MSTO1: variants seen among roughly 807,000 people sequenced by gnomAD.
The protein encoded by MSTO1 is misato mitochondrial distribution and morphology regulator 1.
MSTO1 carries 24 observed loss-of-function variants against 55.7 expected under a neutral mutation model. The observed-to-expected ratio is 0.43, with a 90% CI of 0.31 to 0.61. The LOEUF is 0.61. Among genes scored for constraint, MSTO1 ranks in the 20% least tolerant of loss-of-function variants. The probability of loss-of-function intolerance (pLI) is 0.09; values close to 1 mark genes in which losing one functional copy is unlikely to be tolerated. For synonymous variants in MSTO1, 162 were observed against 252.8 expected (o/e 0.64, Z 3.41); for missense variants, 363 against 625.7 (o/e 0.58, Z 4.48).
At chr1:155,601,017 A>C in the MSTO1 span, among the ~76,000 whole-genome samples, 1 of 123,424 alleles carries the variant, frequency 8.1e-6, no homozygotes, top group Admixed American at 9.5e-5. Context: ...ATGGAGTTTC[A>C]CCATGTTGGT....
the MSTO1 span, among the ~76,000 whole-genome samples, chr1:155,592,095 T>G: frequency 2.1e-4 from 32 of 152,342 alleles, no homozygotes; most frequent in Non-Finnish European, 3.4e-4. Flanking sequence ...GTAGTACTAG[T>G]GTGTGTTATT....
upstream of MSTO1, chr1:155,610,113 T>G (rs914179740): frequency 1.5e-4 from 122 of 830,700 alleles, no homozygotes; most frequent in Non-Finnish European, 2.2e-4. Context: ...GCGCATCGTT[T>G]CTCCAATGGG....
At chr1:155,563,601 ACTTCTTC>A in the MSTO1 span, 1 of 456,448 alleles carries the variant, frequency 2.2e-6, no homozygotes, top group South Asian at 1.5e-5. Flanking sequence ...CATGGATGGT[ACTTCTTC>A]AGCCTCGTTA....
chr1:155,591,582 G>A, the MSTO1 span, among the ~76,000 whole-genome samples: 1 of 152,088 alleles, frequency 6.6e-6, no homozygotes, highest in Non-Finnish European at 1.5e-5. Context: ...CCTGAGGTTG[G>A]GAGTTCAAGA....
chr1:155,587,560 G>T, the MSTO1 span, among the ~76,000 whole-genome samples: 4 of 150,386 alleles, frequency 2.7e-5, no homozygotes, highest in African/African-American at 9.8e-5. Flanking sequence ...TGGCTAACAC[G>T]GTGAAACCCC....
the MSTO1 span, chr1:155,590,877 C>T: frequency 6.2e-7 from 1 of 1,611,570 alleles, no homozygotes; most frequent in Non-Finnish European, 8.5e-7. Flanking sequence ...GTGTCAGGAC[C>T]CCTGAGGTGA....
upstream of MSTO1, among the ~76,000 whole-genome samples, chr1:155,607,541 TAGCAC>T (rs1571196039): frequency 6.6e-6 from 1 of 152,210 alleles, no homozygotes; most frequent in East Asian, 1.9e-4. Context: ...ATTTATTCAT[TAGCAC>T]AACAAAGGAA....
chr1:155,600,110 C>T, the MSTO1 span, among the ~76,000 whole-genome samples: 1 of 152,218 alleles, frequency 6.6e-6, no homozygotes. Flanking sequence ...GGGGAACGGT[C>T]AGGTCTTTCC....
chr1:155,604,929 A>G, the MSTO1 span, among the ~76,000 whole-genome samples: 1 of 151,982 alleles, frequency 6.6e-6, no homozygotes, highest in African/African-American at 2.4e-5. Flanking sequence ...AAACTGATTT[A>G]CTATTGACAC....
chr1:155,612,484 A>G lies in MSTO1; in HGVS notation c.880A>G (p.Ser294Gly). 2 of 1,613,944 alleles carry G rather than the reference A, an allele frequency of 1.2e-6. No individual in the cohort carries two copies. Among genetic ancestry groups the G allele is most frequent in the Non-Finnish European group, 1.7e-6 (2 of 1,179,974 alleles). ...TGGTCTCGTGCACCTGACTGCTCAC[A>G]GCTCTCTTGTCTGCCCCTTGTCCTT... The part of the protein sequence containing the change: ...AFGLVHLTAH[S>G]SLVCPLSLGG... The change falls in exon 9 of 14, where the codon AGC (serine) becomes GGC (glycine). Residue 294 changes from serine to glycine, a missense_variant. Physicochemically the swap from Ser to Gly is moderately conservative, Grantham distance 56. Coordinates refer to ENST00000245564, the MANE Select transcript of MSTO1 (RefSeq NM_018116.4).
the MSTO1 span, among the ~76,000 whole-genome samples, chr1:155,579,285 C>T: frequency 0.04 from 6,022 of 151,820 alleles, 399 homozygotes; most frequent in African/African-American, 0.14. Context: ...TGCACTCTGG[C>T]CTGGGCAACA....
the MSTO1 span, among the ~76,000 whole-genome samples, chr1:155,574,904 G>A: frequency 1.5e-5 from 2 of 129,918 alleles, no homozygotes; most frequent in African/African-American, 3.0e-5. Context: ...GGAGTCTCCT[G>A]TTGCCAGGTT....
upstream of MSTO1, among the ~76,000 whole-genome samples, chr1:155,609,247 T>TTA (rs1263675486): frequency 5.5e-5 from 5 of 90,858 alleles, no homozygotes; most frequent in African/African-American, 1.9e-4. Flanking sequence ...ATATATATTT[T>TTA]TTTTTTTTTT....
the MSTO1 span, among the ~76,000 whole-genome samples, chr1:155,570,007 C>T: frequency 1.6e-3 from 244 of 152,182 alleles, no homozygotes; most frequent in African/African-American, 5.7e-3. Flanking sequence ...TTACCTGGAA[C>T]GTTAGTACCC....
At chr1:155,591,324 CTT>C in the MSTO1 span, 1 of 1,250,236 alleles carries the variant, frequency 8.0e-7, no homozygotes. Flanking sequence ...CAAGTCGACA[CTT>C]AATATTAACC....
rs567554856 is a variant in MSTO1, at chr1:155,613,939, C to T, written c.1499-120C>T. 48 of 1,137,960 alleles carry T rather than the reference C, an allele frequency of 4.2e-5. No individual in the cohort carries two copies. In the South Asian group the frequency reaches 7.5e-4, roughly 18 times the overall value. 70.5% of individuals were successfully genotyped at this position (1,137,960 alleles called of 1,614,324 possible). On this transcript the variant is annotated intron_variant, in intron 13 of 13. Coordinates refer to ENST00000245564, the MANE Select transcript of MSTO1 (RefSeq NM_018116.4). ...GTACTGGTGTACTAAGGGGACAATACACCAAATTTGTTGAGTTTACAATCA... is the reference window on the plus strand; with the variant it reads ...GTACTGGTGTACTAAGGGGACAATATACCAAATTTGTTGAGTTTACAATCA...
the MSTO1 span, among the ~76,000 whole-genome samples, chr1:155,597,583 C>T: frequency 6.6e-6 from 1 of 151,078 alleles, no homozygotes; most frequent in Non-Finnish European, 1.5e-5. Flanking sequence ...GATTTCGGCT[C>T]ACTGCAACCT....
At chr1:155,613,391 G>A (rs1674786043) in intron 11 of MSTO1, 71 bp from the exon 12 acceptor site, 1 of 1,603,034 alleles carries the variant, frequency 6.2e-7, no homozygotes, top group Non-Finnish European at 8.5e-7. Flanking sequence ...CTGATGGCCT[G>A]AGAACATAAG....
the MSTO1 span, chr1:155,563,475 C>G: frequency 8.8e-6 from 4 of 456,484 alleles, no homozygotes; most frequent in African/African-American, 4.0e-5. Context: ...ACCTGGGACC[C>G]GAGGAAGATC....
Sources: allele counts gnomAD v4.1 joint callset (sites outside exome capture counted in the v4.1 genomes callset), GRCh38; gene constraint gnomAD v4.1.1; transcripts MANE v1.5; gene names NCBI Gene and HGNC (gene_info 2026-07-23, HGNC 2026-07-21).